Variants in SMC2 observed in about 807,000 individuals in gnomAD.
The protein encoded by SMC2 is structural maintenance of chromosomes protein 2.
In SMC2, 41 loss-of-function variants were observed where a neutral mutation model predicts 142.6. The ratio of observed to expected loss-of-function variants is 0.29; its 90% CI spans 0.22 to 0.37. The LOEUF is 0.37. SMC2 is among the 10% of genes least tolerant of loss of function. The pLI is 1.00. For synonymous variants in SMC2, 463 were observed against 457.5 expected (o/e 1.01, Z -0.15); for missense variants, 1,265 against 1,373.7 (o/e 0.92, Z 1.25).
At chr9:104,089,546 C>T (rs1456688160), upstream of SMC2, among the ~76,000 whole-genome samples, 1 of 152,088 alleles carries the variant, frequency 6.6e-6, no homozygotes, top group Non-Finnish European at 1.5e-5. Flanking sequence ...AGCTAGGTAG[C>T]TCTGGCTATT....
chr9:104,103,457 G>A (rs1170159240), intron 9 of SMC2, among the ~76,000 whole-genome samples: 1 of 152,174 alleles, frequency 6.6e-6, no homozygotes, highest in African/African-American at 2.4e-5. Flanking sequence ...TATATTGACA[G>A]AAAAGATCCA....
At chr9:104,114,135 T>G (rs1832819895) in intron 12 of SMC2, 54 bp downstream of exon 12, 2 of 1,111,626 alleles carry the variant, frequency 1.8e-6, no homozygotes, top group South Asian at 3.1e-5. Context: ...ACATTTTTAT[T>G]TAAGCTGGAA....
rs1832883208 is a variant in SMC2 at position 104,114,671 on chromosome 9, T to A, written c.1533-20T>A. The A allele has an allele frequency of 1.3e-6, 2 of 1,598,856 alleles. No individual in the cohort carries two copies. The highest frequency in any genetic ancestry group is 4.5e-5 in the East Asian group (2 of 44,710). ...TACTTTATTATCTAAGATTAATTTT[T>A]GTCAACTTTTGTATTTCAGGGATCC... is the stretch of plus-strand genomic sequence containing the variant. On this transcript the variant is annotated intron_variant, in intron 12 of 24. Transcript: ENST00000374793.
chr9:104,114,921 G>C (rs891513294), intron 13 of SMC2, 92 bp downstream of exon 13: 1 of 1,095,262 alleles, frequency 9.1e-7, no homozygotes, highest in East Asian at 2.6e-5. Flanking sequence ...ATGTTTTAAG[G>C]CTCTCCCCTA....
In SMC2 at chr9:104,134,508, C is replaced by T. The variant is rs1379889951; in HGVS notation, c.3202C>T (p.Leu1068=). The part of the protein sequence containing the change: ...PPEGQTVLDG[L]EFKVALGNTW... ...AGAGGGTCAAACTGTTTTGGATGGT[C>T]TGGAGTTCAAGGTTGCCTTGGGAAA... The change falls in exon 23 of 25, where the codon CTG becomes TTG. Residue 1068 remains leucine (L), a synonymous_variant. Coordinates refer to ENST00000374793, the MANE Select transcript of SMC2 (RefSeq NM_006444.3). 6.2e-7 allele frequency: 1 copy of T among 1,612,532 alleles called. No individual in the cohort carries two copies. The highest frequency in any genetic ancestry group is 8.5e-7 in the Non-Finnish European group (1 of 1,179,016).
intron 23 of SMC2, 104 bp from the exon 24 acceptor site, chr9:104,137,914 G>C: frequency 1.4e-6 from 1 of 693,752 alleles, no homozygotes; most frequent in Admixed American, 3.3e-5. Context: ...CTACCTTTCA[G>C]ATAAATCTGC....
In SMC2 at chr9:104,098,578, T is replaced by C; in HGVS notation, c.441+10T>C. On this transcript the variant is annotated intron_variant, in intron 4 of 24. Transcript: ENST00000374793. ...CTTTCTCATCATGCAGGTATTTCGT[T>C]TGAGGTCTTTATATCACTTTCGTAA... 1 of 1,583,522 alleles carries C rather than the reference T, an allele frequency of 6.3e-7. No individual in the cohort carries two copies. Among genetic ancestry groups the C allele is most frequent in the South Asian group, 1.2e-5 (1 of 84,184 alleles).
chr9:104,100,971 A>T (rs2131311261), intron 7 of SMC2, among the ~76,000 whole-genome samples: 1 of 152,274 alleles, frequency 6.6e-6, no homozygotes, highest in East Asian at 1.9e-4. Flanking sequence ...GACTAGTCTC[A>T]CTGTCGCCCA....
intron 18 of SMC2, 121 bp from the exon 19 acceptor site, chr9:104,126,520 G>A: frequency 1.5e-6 from 1 of 650,670 alleles, no homozygotes; most frequent in Non-Finnish European, 2.4e-6. Context: ...CGGTAGCTGA[G>A]TGGTAACAAA....
chr9:104,113,732 T>C (rs1832755003), intron 11 of SMC2, among the ~76,000 whole-genome samples: 1 of 152,172 alleles, frequency 6.6e-6, no homozygotes, highest in Non-Finnish European at 1.5e-5. Flanking sequence ...ATTTCTACAT[T>C]AGGCATTCAG....
chr9:104,137,624 T>C (rs1361786908), intron 23 of SMC2, among the ~76,000 whole-genome samples: 2 of 152,176 alleles, frequency 1.3e-5, no homozygotes, highest in African/African-American at 4.8e-5. Flanking sequence ...ACTCAGTTAC[T>C]GTTACCAAGA....
At chr9:104,138,668 T>C (rs1046447567) in intron 24 of SMC2, among the ~76,000 whole-genome samples, 1 of 152,190 alleles carries the variant, frequency 6.6e-6, no homozygotes, top group South Asian at 2.1e-4. Flanking sequence ...AAATTATGCA[T>C]TGTACAACTC....
chr9:104,131,200 G>A (rs1435956967), intron 21 of SMC2, among the ~76,000 whole-genome samples: 1 of 152,098 alleles, frequency 6.6e-6, no homozygotes, highest in Non-Finnish European at 1.5e-5. Context: ...CTACTCTAAA[G>A]TGGTGATATT....
chr9:104,129,088 G>GCCAATCACAAAT, intron 20 of SMC2, among the ~76,000 whole-genome samples: 1 of 152,284 alleles, frequency 6.6e-6, no homozygotes, highest in Non-Finnish European at 1.5e-5. Flanking sequence ...TTCTCTGTGA[G>GCCAATCACAAAT]TTGGCTCTTC....
chr9:104,107,656 C>T (rs1271815199), intron 9 of SMC2, among the ~76,000 whole-genome samples: 1 of 152,188 alleles, frequency 6.6e-6, no homozygotes, highest in Non-Finnish European at 1.5e-5. Flanking sequence ...TAGTAAGTGC[C>T]ACCAGCACCA....
chr9:104,111,270 A>G (rs1158437840), intron 9 of SMC2, among the ~76,000 whole-genome samples: 1 of 152,136 alleles, frequency 6.6e-6, no homozygotes, highest in Non-Finnish European at 1.5e-5. Context: ...TTTCAGTTTT[A>G]CAGCTTTAGA....
intron 5 of SMC2, 70 bp downstream of exon 5, chr9:104,099,752 T>G: frequency 1.0e-6 from 1 of 972,936 alleles, no homozygotes; most frequent in East Asian, 2.5e-5. Flanking sequence ...AGACAATTTT[T>G]AAATATTCTA....
Position 104,113,417 on chromosome 9 carries a change from A to C in SMC2, c.1356A>C (p.Glu452Asp). The C allele has an allele frequency of 6.2e-7, 1 of 1,609,400 alleles. No homozygotes were observed. The highest frequency in any genetic ancestry group is 1.1e-5 in the South Asian group (1 of 90,026). The change falls in exon 11 of 25, where the codon GAA (glutamate) becomes GAC (aspartate). Residue 452 changes from glutamate to aspartate, a missense_variant. By Grantham distance (45) the Glu-to-Asp change is conservative (BLOSUM62 2). Around this residue, in one of 4 missense-constraint regions of SMC2, gnomAD observed 898 missense variants for 904.2 expected, o/e 0.99. Transcript: ENST00000374793. ...SGYRKDQEAL[E>D]AVKRLKEKLE... is the part of the protein sequence containing the mutation. ...ACAGGAAGGATCAAGAAGCTCTAGA[A>C]GCTGTAAAAAGACTTAAAGAAAAAC... is the stretch of plus-strand genomic sequence containing the variant.
Position 104,113,953 on chromosome 9 carries a change from T to G in SMC2, c.1415-11T>G, listed in dbSNP as rs769795777. On this transcript the variant is annotated splice_polypyrimidine_tract_variant and intron_variant, in intron 11 of 24. Coordinates refer to ENST00000374793, the MANE Select transcript of SMC2 (RefSeq NM_006444.3). ...AAACTTGGTTTTAATTTATTATGAT[T>G]TATCCTTCAGAAAATAAAGAGGAAA... is the stretch of plus-strand genomic sequence containing the variant. The G allele has an allele frequency of 4.6e-6, 7 of 1,513,736 alleles. No individual in the cohort carries two copies. The African/African-American group carries it at 9.9e-5, about 21-fold the overall frequency. The allele number at this position is 1,513,736 out of a possible 1,614,324, so 93.8% of individuals were successfully genotyped here.
Sources: gnomAD v4.1 joint callset for allele counts (sites outside exome capture counted in the v4.1 genomes callset) on GRCh38, gnomAD v4.1.1 for gene constraint, gnomAD v4.1.1 regional missense constraint, MANE v1.5 for transcripts, NCBI Gene and HGNC (gene_info 2026-07-23, HGNC 2026-07-21) for gene names.